The following TUBGCP3 variants were observed in gnomAD, a reference collection of about 807,000 sequenced individuals.
TUBGCP3 encodes the protein gamma-tubulin complex component 3.
In TUBGCP3, 50 loss-of-function variants were observed where a neutral mutation model predicts 123.1. The observed-to-expected ratio is 0.41, with a 90% confidence interval of 0.32 to 0.51. The LOEUF is 0.51. Among genes scored for constraint, TUBGCP3 ranks in the 20% least tolerant of loss-of-function variants. The pLI is 0.36. For synonymous variants in TUBGCP3, 405 were observed against 413.9 expected, an observed-to-expected ratio of 0.98 and a Z score of 0.26; for missense variants, 882 against 1,127.0, an observed-to-expected ratio of 0.78 and a Z score of 3.11.
chr13:112,545,774 G>A lies in TUBGCP3; in HGVS notation c.1260C>T (p.Ser420=). 1 of 1,614,194 alleles carries A rather than the reference G, an allele frequency of 6.2e-7. No homozygotes were observed. Among genetic ancestry groups the A allele is most frequent in the Non-Finnish European group, 8.5e-7 (1 of 1,180,038 alleles). ...YMRSLVQHIL[S]LVSHPVLSFL... ...AGCTCAAAACAGGATGAGACACGAGGCTGAGGATGTGCTGCACCAGAGACC... is the reference window on the plus strand; with the variant it reads ...AGCTCAAAACAGGATGAGACACGAGACTGAGGATGTGCTGCACCAGAGACC... Residue 420 remains serine, a synonymous_variant, in exon 11 of 22, where the codon AGC becomes AGT. Transcript: ENST00000261965. This position sits in a 1 kb window ranked among gnomAD's most constrained non-coding sequence, Gnocchi z 4.1.
chr13:112,492,156 G>A (rs186080639), intron 20 of TUBGCP3, among the ~76,000 whole-genome samples: 73 of 152,154 alleles, frequency 4.8e-4, no homozygotes, highest in Non-Finnish European at 8.5e-4. Flanking sequence ...AATAATTATT[G>A]TCCTCCTTCC....
chr13:112,605,218 A>T, the TUBGCP3 span: 2 of 152,274 alleles, frequency 1.3e-5, no homozygotes, highest in Non-Finnish European at 2.9e-5. Context: ...CTGAGGCAGG[A>T]GAATCACTTG....
rs1881099541 is a variant in TUBGCP3, at chr13:112,503,914, T to C, written c.2307+118A>G. The C allele has an allele frequency of 7.0e-6, 9 of 1,285,220 alleles. No individual in the cohort carries two copies. In the East Asian group the frequency reaches 1.9e-4, roughly 27 times the overall value. 79.6% of individuals were successfully genotyped at this position (1,285,220 alleles called of 1,614,324 possible). ...ACAGTAAACTTTTAATAAAATTATC[T>C]GAATTATTACCAATGTGGCTGCATC... is the stretch of plus-strand genomic sequence containing the variant. On this transcript the variant is annotated intron_variant, in intron 19 of 21. Transcript: ENST00000261965.
At chr13:112,547,888 G>A in intron 9 of TUBGCP3, 136 bp from the exon 10 acceptor site, 4 of 1,131,742 alleles carry the variant, frequency 3.5e-6, no homozygotes, top group Non-Finnish European at 4.7e-6. Context: ...AAAAAAAATA[G>A]TATTTTAAAG....
chr13:112,519,461 G>C lies in TUBGCP3; in HGVS notation c.1882-418C>G, dbSNP rs1336278152. Among the ~76,000 whole-genome samples the C allele has an allele frequency of 2.0e-5, 3 of 152,156 alleles. No individual in the cohort carries two copies. The East Asian group carries it at 5.8e-4, about 29-fold the overall frequency. On this transcript the variant is annotated intron_variant, in intron 15 of 21. Coordinates refer to ENST00000261965, the MANE Select transcript of TUBGCP3 (RefSeq NM_006322.6). This position sits in a 1 kb window ranked among gnomAD's most constrained non-coding sequence, Gnocchi z 6.2. ...ATGTTCATAATAACCACACCCTTAAGAAAAGTCATGTCCTACCAAACTGCA... is the reference window on the plus strand; with the variant it reads ...ATGTTCATAATAACCACACCCTTAACAAAAGTCATGTCCTACCAAACTGCA...
At chr13:112,561,759 C>T (rs985398648) in intron 3 of TUBGCP3, among the ~76,000 whole-genome samples, 3 of 151,984 alleles carry the variant, frequency 2.0e-5, no homozygotes, top group Non-Finnish European at 4.4e-5. Flanking sequence ...AAGGGAAAGA[C>T]GGCAGGAAAT....
chr13:112,550,246 A>C (rs988880324), intron 8 of TUBGCP3, among the ~76,000 whole-genome samples: 3 of 151,998 alleles, frequency 2.0e-5, no homozygotes, highest in South Asian at 2.1e-4. Context: ...TCCATCAAAA[A>C]ATTTTTTTTA....
intron 17 of TUBGCP3, among the ~76,000 whole-genome samples, chr13:112,505,148 C>T (rs1188829351): frequency 6.6e-6 from 1 of 152,166 alleles, no homozygotes; most frequent in Non-Finnish European, 1.5e-5. Flanking sequence ...CGACTGTGGC[C>T]TTACCGCCTG....
rs188590524 is a variant in TUBGCP3, at chr13:112,489,822, A to G, written c.2449-125T>C. ...TTTTTATGCCTCTCTGTACTGTTCA[A>G]CACTTTCACAATAATTTTCTGATGC... On this transcript the variant is annotated intron_variant, in intron 20 of 21. Coordinates refer to ENST00000261965, the MANE Select transcript of TUBGCP3 (RefSeq NM_006322.6). 392 of 682,728 alleles carry G rather than the reference A, an allele frequency of 5.7e-4. 1 individual carries two copies. The highest frequency in any genetic ancestry group is 1.2e-3 in the South Asian group (62 of 51,386). The allele number at this position is 682,728 out of a possible 1,614,324, so 42.3% of individuals were successfully genotyped here. A position where few individuals can be genotyped will look rare whatever the true frequency, so the allele number is the denominator to read the frequency against.
intron 17 of TUBGCP3, among the ~76,000 whole-genome samples, 156 bp from the exon 18 acceptor site, chr13:112,504,870 T>C (rs749901425): frequency 3.2e-4 from 49 of 152,248 alleles, no homozygotes; most frequent in Non-Finnish European, 6.2e-4. Flanking sequence ...AGAACCAATT[T>C]CTGTGCAGGT....
intron 11 of TUBGCP3, among the ~76,000 whole-genome samples, chr13:112,532,659 T>A (rs575534438): frequency 3.1e-3 from 467 of 152,316 alleles, no homozygotes; most frequent in Middle Eastern, 0.01. Flanking sequence ...TAGATAGTAG[T>A]AACACAATGG....
At chr13:112,505,644 G>GTT (rs1881242801) in intron 17 of TUBGCP3, among the ~76,000 whole-genome samples, 1 of 152,236 alleles carries the variant, frequency 6.6e-6, no homozygotes, top group South Asian at 2.1e-4. Context: ...TGCTCTCTTG[G>GTT]TTTAACACAT....
At chr13:112,495,142 C>A (rs931169997) in intron 20 of TUBGCP3, among the ~76,000 whole-genome samples, 1 of 152,174 alleles carries the variant, frequency 6.6e-6, no homozygotes, top group Non-Finnish European at 1.5e-5. Flanking sequence ...TTGCCCAGAC[C>A]AATGTCCTAG....
rs1489447134 is a variant in TUBGCP3 at position 112,522,360 on chromosome 13, C to G, written c.1705G>C (p.Gly569Arg). ...AAGTGCCTTATAAAGTCTCCTTGAC[C>G]AAGAAGCAGGTACCGCCTCATTGCC... Reference protein sequence around the residue: ...MQAMRRYLLLGQGDFIRHLMD... With the variant: ...MQAMRRYLLLRQGDFIRHLMD... The change falls in exon 14 of 22, where the codon GGT becomes CGT. Residue 569 changes from glycine to arginine, a missense_variant. By Grantham distance (125) the Gly-to-Arg change is moderately radical. This residue lies in a region of TUBGCP3 where 713 missense variants were observed against 874.0 expected (regional missense o/e 0.82). Transcript: ENST00000261965. 6.2e-7 allele frequency: 1 copy of G among 1,611,850 alleles called. No individual in the cohort carries two copies. The highest frequency in any genetic ancestry group is 1.7e-5 in the Admixed American group (1 of 59,990).
At position 112,556,123 on chromosome 13, in the gene TUBGCP3, G is replaced by C. The variant is rs1378550092; in HGVS notation, c.650C>G (p.Thr217Ser). 1.2e-6 allele frequency: 2 copies of C among 1,613,970 alleles called. No individual in the cohort carries two copies. The highest frequency in any genetic ancestry group is 1.3e-5 in the African/African-American group (1 of 74,910). ...AGCACTGGGGACACCTTTTGAGGTAGTGGCTTGTGAAGAAGGCTGATTTGC... is the reference window on the plus strand; with the variant it reads ...AGCACTGGGGACACCTTTTGAGGTACTGGCTTGTGAAGAAGGCTGATTTGC... ...LTANQPSSQA[T>S]TSKGVPSAVS... The change falls in exon 6 of 22, where the codon ACT becomes AGT. Residue 217 changes from threonine to serine, a missense_variant. By Grantham distance (58) the Thr-to-Ser change is moderately conservative (BLOSUM62 1). Transcript: ENST00000261965.
intron 20 of TUBGCP3, among the ~76,000 whole-genome samples, chr13:112,495,463 T>C (rs2139201466): frequency 6.6e-6 from 1 of 152,350 alleles, no homozygotes; most frequent in South Asian, 2.1e-4. Flanking sequence ...CAAACCTTTT[T>C]AATGGGTTTT....
At chr13:112,504,545 CACAT>C in intron 18 of TUBGCP3, 77 bp downstream of exon 18, 4 of 947,942 alleles carry the variant, frequency 4.2e-6, no homozygotes, top group South Asian at 3.3e-5. Context: ...CACATACATA[CACAT>C]ATATATATAT....
chr13:112,554,232 CT>C (rs1455324525), intron 7 of TUBGCP3, 50 bp from the exon 8 acceptor site: 1 of 1,591,820 alleles, frequency 6.3e-7, no homozygotes, highest in South Asian at 1.1e-5. Context: ...AATACTAGAG[CT>C]TTAATTAGTA....
chr13:112,549,989 C>CAAAAAA (rs750596642), intron 8 of TUBGCP3, among the ~76,000 whole-genome samples: 3 of 40,226 alleles, frequency 7.5e-5, no homozygotes, highest in Admixed American at 3.9e-4. Context: ...GACTCCATCT[C>CAAAAAA]AAAAAAAAAA....
Sources: gnomAD v4.1 joint callset for allele counts (sites outside exome capture counted in the v4.1 genomes callset) on GRCh38, gnomAD v4.1.1 for gene constraint, gnomAD v4.1.1 regional missense constraint, Gnocchi (gnomAD v3.1) non-coding constraint, MANE v1.5 for transcripts, NCBI Gene and HGNC (gene_info 2026-07-23, HGNC 2026-07-21) for gene names.